The following WRN variants were observed in gnomAD, a reference collection of about 807,000 sequenced individuals.
The protein encoded by WRN is WRN RecQ like helicase.
WRN carries 149 observed loss-of-function variants against 180.7 expected under a neutral mutation model. That is an observed-to-expected ratio of 0.82 (90% CI 0.72 to 0.94). WRN has a LOEUF of 0.94. Ranked by LOEUF, WRN falls within the 40% of genes least tolerant of loss-of-function variation. WRN has a pLI of 0.00. For synonymous variants in WRN, 548 were observed against 568.9 expected, an observed-to-expected ratio of 0.96 and a Z score of 0.52; for missense variants, 1,661 against 1,700.1, an observed-to-expected ratio of 0.98 and a Z score of 0.40.
intron 33 of WRN, among the ~76,000 whole-genome samples, chr8:31,162,701 C>T (rs1300090731): frequency 2.0e-5 from 3 of 152,254 alleles, no homozygotes; most frequent in East Asian, 1.9e-4. Flanking sequence ...TGTGATGTTA[C>T]GATGGCATGA....
intron 23 of WRN, among the ~76,000 whole-genome samples, chr8:31,128,209 G>A (rs929658769): frequency 2.6e-5 from 4 of 151,900 alleles, no homozygotes; most frequent in African/African-American, 9.7e-5. Context: ...TTATTGGTAG[G>A]GTAAACAATC....
chr8:31,138,119 A>G (rs1585509994), intron 24 of WRN, among the ~76,000 whole-genome samples: 2 of 152,088 alleles, frequency 1.3e-5, no homozygotes, highest in East Asian at 3.9e-4. Context: ...AAAAATTAGA[A>G]CTAGTTATCT....
intron 14 of WRN, 97 bp downstream of exon 14, chr8:31,090,629 C>G: frequency 7.9e-7 from 1 of 1,269,508 alleles, no homozygotes; most frequent in East Asian, 2.3e-5. Flanking sequence ...AATACAAATG[C>G]AACTACAAAT....
intron 23 of WRN, among the ~76,000 whole-genome samples, chr8:31,127,690 T>A (rs1204148035): frequency 6.6e-6 from 1 of 151,938 alleles, no homozygotes; most frequent in Non-Finnish European, 1.5e-5. Flanking sequence ...GGTGGGAGGA[T>A]CACTTGAGAC....
chr8:31,124,462 A>G, intron 21 of WRN, 60 bp from the exon 22 acceptor site: 1 of 1,326,086 alleles, frequency 7.5e-7, no homozygotes, highest in Non-Finnish European at 1.1e-6. Context: ...TAAGTAAAAA[A>G]AAAAGTAAGA....
At chr8:31,034,805 T>C (rs1811382760) in intron 1 of WRN, among the ~76,000 whole-genome samples, 1 of 152,156 alleles carries the variant, frequency 6.6e-6, no homozygotes, top group African/African-American at 2.4e-5. Flanking sequence ...GGAATTGTTA[T>C]TGGTTTACAG....
intron 5 of WRN, 89 bp from the exon 6 acceptor site, chr8:31,066,944 T>C (rs1466492939): frequency 3.9e-6 from 6 of 1,526,780 alleles, no homozygotes; most frequent in Non-Finnish European, 4.5e-6. Context: ...CATTTCCTAA[T>C]TTTATTTGTG....
At chr8:31,059,477 A>G (rs1254898347) in intron 3 of WRN, among the ~76,000 whole-genome samples, 2 of 152,138 alleles carry the variant, frequency 1.3e-5, no homozygotes, top group Non-Finnish European at 2.9e-5. Context: ...AAGCTTTTCT[A>G]TTACTTCAGA....
At chr8:31,125,393 G>A (rs2130346304) in intron 23 of WRN, among the ~76,000 whole-genome samples, 1 of 150,718 alleles carries the variant, frequency 6.6e-6, no homozygotes, top group Non-Finnish European at 1.5e-5. Context: ...AAGGAAGTTG[G>A]AGTTACTTTA....
At chr8:31,046,491 A>G (rs1384685314) in intron 1 of WRN, among the ~76,000 whole-genome samples, 1 of 152,108 alleles carries the variant, frequency 6.6e-6, no homozygotes, top group Non-Finnish European at 1.5e-5. Flanking sequence ...CATGTTCTCC[A>G]AAAAAAGGAG....
At chr8:31,158,242 A>G (rs530613189) in intron 33 of WRN, among the ~76,000 whole-genome samples, 1 of 152,216 alleles carries the variant, frequency 6.6e-6, no homozygotes, top group South Asian at 2.1e-4. Context: ...TAGCCTTTCT[A>G]ATCAACACAG....
intron 1 of WRN, among the ~76,000 whole-genome samples, chr8:31,048,582 A>G (rs1198421719): frequency 6.6e-6 from 1 of 152,210 alleles, no homozygotes; most frequent in Non-Finnish European, 1.5e-5. Flanking sequence ...ACGTAAGTAT[A>G]AAACCTCAAT....
At chr8:31,140,013 T>TTTTG (rs1802553784) in intron 24 of WRN, among the ~76,000 whole-genome samples, 3 of 108,874 alleles carry the variant, frequency 2.8e-5, no homozygotes, top group Admixed American at 1.9e-4. Context: ...GTTTTTTTTT[T>TTTTG]TTTTTTTTTT....
intron 18 of WRN, among the ~76,000 whole-genome samples, chr8:31,108,953 G>A (rs1483952330): frequency 6.6e-6 from 1 of 152,182 alleles, no homozygotes; most frequent in African/African-American, 2.4e-5. Context: ...TCCAGTCTTT[G>A]GAATGTCATC....
At position 31,173,563 on chromosome 8, in the gene WRN, T is replaced by C. The variant is rs1804180123; in HGVS notation, c.*461T>C. The C allele has an allele frequency of 1.6e-5, 3 of 182,548 alleles. No individual in the cohort carries two copies. The highest frequency in any genetic ancestry group is 9.9e-5 in the East Asian group (1 of 10,118). 11.3% of individuals were successfully genotyped at this position (182,548 alleles called of 1,614,324 possible). Reference sequence around the variant, plus strand: ...TTTTACTGTCTTTTGAAGAAGTTCTTAAATACGTTGTTAAATGGTATTAGT... The same window carrying C: ...TTTTACTGTCTTTTGAAGAAGTTCTCAAATACGTTGTTAAATGGTATTAGT... On this transcript the variant is annotated 3_prime_UTR_variant, in exon 35 of 35. Transcript: ENST00000298139.
chr8:31,069,449 A>G (rs1812827477), intron 7 of WRN, among the ~76,000 whole-genome samples: 1 of 152,134 alleles, frequency 6.6e-6, no homozygotes, highest in African/African-American at 2.4e-5. Context: ...CCAACCACAG[A>G]TTGAGAACAT....
At chr8:31,126,162 T>C (rs376448281) in intron 23 of WRN, among the ~76,000 whole-genome samples, 201 of 152,234 alleles carry the variant, frequency 1.3e-3, no homozygotes, top group African/African-American at 4.6e-3. Flanking sequence ...CTGGATCTCA[T>C]TGACCTTTTT....
intron 1 of WRN, among the ~76,000 whole-genome samples, chr8:31,038,063 T>A (rs988015244): frequency 6.6e-6 from 1 of 152,196 alleles, no homozygotes; most frequent in Non-Finnish European, 1.5e-5. Context: ...AACATTGGTG[T>A]ACAAGAATCT....
rs771294955 is a variant in WRN at position 31,124,542 on chromosome 8, G to A, written c.2651G>A (p.Arg884His). The A allele has an allele frequency of 1.8e-5, 29 of 1,612,248 alleles. No homozygotes were observed. The highest frequency in any genetic ancestry group is 1.6e-4 in the Middle Eastern group (1 of 6,066). The change falls in exon 22 of 35, where the codon CGT (arginine) becomes CAT (histidine). Residue 884 changes from arginine to histidine, a missense_variant. By Grantham distance (29) the Arg-to-His change is conservative. Coordinates refer to ENST00000298139, the MANE Select transcript of WRN (RefSeq NM_000553.6). ...NLNRHLLTEI[R>H]NEKFRLYKLK... ...GACAGGCACCTTCTTACTGAGATAC[G>A]TAATGAGAAGTTTCGATTATACAAA...
Sources: gnomAD v4.1 joint callset for allele counts (sites outside exome capture counted in the v4.1 genomes callset) on GRCh38, gnomAD v4.1.1 for gene constraint, MANE v1.5 for transcripts, NCBI Gene and HGNC (gene_info 2026-07-23, HGNC 2026-07-21) for gene names.